Variants in RIMBP2 observed in about 807,000 individuals in gnomAD.
RIMBP2 encodes RIMS binding protein 2.
RIMBP2 carries 48 observed loss-of-function variants against 118.6 expected under a neutral mutation model. That is an observed-to-expected ratio of 0.40 (90% CI 0.32 to 0.51). The LOEUF (loss-of-function observed/expected upper bound fraction) is 0.51, where lower values mean the gene tolerates loss of function less well. RIMBP2 is among the 20% of genes least tolerant of loss of function. The pLI is 0.41. For synonymous variants in RIMBP2, 762 were observed against 742.9 expected (o/e 1.03, Z -0.42); for missense variants, 1,551 against 1,768.3 (o/e 0.88, Z 2.20).
chr12:130,662,232 G>A (rs532342139), intron 1 of RIMBP2, among the ~76,000 whole-genome samples: 2 of 152,244 alleles, frequency 1.3e-5, no homozygotes, highest in South Asian at 4.1e-4. Context: ...GTCAGTCTGG[G>A]GCAATTCTCG....
chr12:130,620,117 G>T lies in RIMBP2; in HGVS notation c.-217+8205C>A, dbSNP rs189891640. 1.6e-4 allele frequency among the ~76,000 whole-genome samples: 24 copies of T among 152,344 alleles called. No homozygotes were observed. The highest frequency in any genetic ancestry group is 5.8e-4 in the African/African-American group (24 of 41,580). ...GCAGTGGCTCACTCTTCTGGCCAGA[G>T]CTTCCAGACTCTGCTTTGGAAGTGG... On this transcript the variant is annotated intron_variant, in intron 2 of 22. Transcript: ENST00000690449. This position sits in a 1 kb window ranked among gnomAD's most constrained non-coding sequence, Gnocchi z 5.3.
chr12:130,644,897 G>A (rs1212536150), intron 1 of RIMBP2, among the ~76,000 whole-genome samples: 1 of 152,196 alleles, frequency 6.6e-6, no homozygotes, highest in Non-Finnish European at 1.5e-5. Context: ...TCCCCACACA[G>A]GCCCCTTAAG....
At chr12:130,449,761 G>T (rs978088978) in intron 9 of RIMBP2, among the ~76,000 whole-genome samples, 5 of 152,094 alleles carry the variant, frequency 3.3e-5, no homozygotes, top group Non-Finnish European at 7.4e-5. Context: ...AGGGGAGAAC[G>T]CACAAAGACA....
intron 1 of RIMBP2, among the ~76,000 whole-genome samples, chr12:130,697,087 G>C (rs1187627421): frequency 2.0e-5 from 3 of 152,208 alleles, no homozygotes; most frequent in Non-Finnish European, 2.9e-5. Context: ...AAGATGATGG[G>C]ATCAGGTTCA....
rs1217903276 is a variant in RIMBP2 at position 130,621,546 on chromosome 12, T to C, written c.-217+6776A>G. On this transcript the variant is annotated intron_variant, in intron 2 of 22. Transcript: ENST00000690449. This position sits in a 1 kb window ranked among gnomAD's most constrained non-coding sequence, Gnocchi z 6.6. ...TAGTTTGAGCTGGTTCTCTGTCATC[T>C]GAAATCTGAAGATCGCGACACACAT... is the stretch of plus-strand genomic sequence containing the variant. Among the ~76,000 whole-genome samples, 1 of 152,194 alleles carries C rather than the reference T, an allele frequency of 6.6e-6. No homozygotes were observed. Among genetic ancestry groups the C allele is most frequent in the African/African-American group, 2.4e-5 (1 of 41,438 alleles).
chr12:130,400,037 G>A (rs75932074), intron 21 of RIMBP2, among the ~76,000 whole-genome samples: 3 of 152,144 alleles, frequency 2.0e-5, no homozygotes, highest in Non-Finnish European at 4.4e-5. Context: ...CCTGTTCAGT[G>A]AGGAGCTGAG....
intron 2 of RIMBP2, among the ~76,000 whole-genome samples, chr12:130,598,273 C>G (rs149794058): frequency 1.3e-5 from 2 of 152,076 alleles, no homozygotes; most frequent in Non-Finnish European, 2.9e-5. Context: ...GTTTGTGGAT[C>G]GGAAGAATCT....
intron 1 of RIMBP2, among the ~76,000 whole-genome samples, chr12:130,657,286 A>G (rs909612520): frequency 2.6e-5 from 4 of 151,908 alleles, no homozygotes; most frequent in Non-Finnish European, 5.9e-5. Context: ...CAAAGACCCT[A>G]TTTGCAAATA....
chr12:130,604,300 A>C (rs1232203461), intron 2 of RIMBP2, among the ~76,000 whole-genome samples: 2 of 151,798 alleles, frequency 1.3e-5, no homozygotes, highest in Non-Finnish European at 2.9e-5. Flanking sequence ...GTAAAAAAAA[A>C]AAAAAAAACC....
At chr12:130,539,632 A>C (rs913945752) in intron 2 of RIMBP2, among the ~76,000 whole-genome samples, 139 of 138,524 alleles carry the variant, frequency 1.0e-3, no homozygotes, top group African/African-American at 3.8e-3. Flanking sequence ...CAGGTGTAGG[A>C]TATGGCAAAT....
At chr12:130,441,791 A>C in intron 11 of RIMBP2, 57 bp downstream of exon 11, 2 of 1,481,428 alleles carry the variant, frequency 1.4e-6, no homozygotes, top group East Asian at 4.6e-5. Context: ...CCCCACTAGC[A>C]GGGTGACATC....
chr12:130,437,213 C>T lies in RIMBP2; in HGVS notation c.1735G>A (p.Val579Met), dbSNP rs777935884. ...TGGGCGGAGAGGGTCCGCACGGTCA[C>T]GCCCTTGGCCTCCAGGCTCCGCAGC... The part of the protein sequence containing the change: ...VRLRSLEAKG[V>M]TVRTLSAQGE... The change falls in exon 13 of 23, where the codon GTG (valine) becomes ATG (methionine). Residue 579 changes from valine (V) to methionine (M), a missense_variant. Val to Met is a conservative substitution (Grantham distance 21, BLOSUM62 1). Around this residue, in one of 5 missense-constraint regions of RIMBP2, gnomAD observed 1,038 missense variants for 1,125.1 expected, o/e 0.92. Transcript: ENST00000690449. 164 of 1,584,322 alleles carry T rather than the reference C, an allele frequency of 1.0e-4. 2 individuals are homozygous for T. The highest frequency in any genetic ancestry group is 1.4e-4 in the Non-Finnish European group (160 of 1,169,490).
At chr12:130,694,073 G>A (rs970149767) in intron 1 of RIMBP2, among the ~76,000 whole-genome samples, 2 of 152,290 alleles carry the variant, frequency 1.3e-5, no homozygotes, top group Non-Finnish European at 1.5e-5. Flanking sequence ...GAGGCACTGC[G>A]TAACTGAGCA....
At chr12:130,466,042 C>T (rs7979916) in intron 6 of RIMBP2, 64,540 of 152,040 alleles carry the variant, frequency 0.42, 13,923 homozygotes, top group Middle Eastern at 0.53. Flanking sequence ...TCATTAACCT[C>T]CCTGTGTCTT....
intron 2 of RIMBP2, among the ~76,000 whole-genome samples, chr12:130,549,444 C>T (rs983108905): frequency 1.3e-5 from 2 of 152,130 alleles, no homozygotes; most frequent in Admixed American, 6.5e-5. Flanking sequence ...AGGGGCTTGT[C>T]GTACAGATTA....
chr12:130,677,918 T>C (rs2064572930), intron 1 of RIMBP2, among the ~76,000 whole-genome samples: 1 of 152,266 alleles, frequency 6.6e-6, no homozygotes, highest in African/African-American at 2.4e-5. Flanking sequence ...TGCCTTGGCC[T>C]GAAGGCCCCG....
At chr12:130,589,264 C>A (rs185973032) in intron 2 of RIMBP2, among the ~76,000 whole-genome samples, 8 of 152,352 alleles carry the variant, frequency 5.3e-5, no homozygotes, top group African/African-American at 1.9e-4. Context: ...CAAACACACA[C>A]ACCTTCACAA....
chr12:130,462,879 T>C (rs2080129977), intron 6 of RIMBP2, among the ~76,000 whole-genome samples: 1 of 152,246 alleles, frequency 6.6e-6, no homozygotes, highest in Non-Finnish European at 1.5e-5. Flanking sequence ...GCTTTCCTTG[T>C]AACCTACAAT....
intron 14 of RIMBP2, among the ~76,000 whole-genome samples, chr12:130,430,986 C>T (rs868271367): frequency 3.9e-5 from 6 of 152,078 alleles, no homozygotes; most frequent in South Asian, 4.2e-4. Flanking sequence ...GACGTACACC[C>T]GGAACATAGA....
Sources: gnomAD v4.1 joint callset for allele counts (sites outside exome capture counted in the v4.1 genomes callset) on GRCh38, gnomAD v4.1.1 for gene constraint, gnomAD v4.1.1 regional missense constraint, Gnocchi (gnomAD v3.1) non-coding constraint, MANE v1.5 for transcripts, NCBI Gene and HGNC (gene_info 2026-07-23, HGNC 2026-07-21) for gene names.